Variants in GPR158 observed in about 807,000 individuals in gnomAD.
The protein encoded by GPR158 is metabotropic glycine receptor.
A neutral mutation model predicts 78.2 loss-of-function variants in GPR158; 30 were observed. The ratio of observed to expected loss-of-function variants is 0.38; its 90% CI spans 0.29 to 0.52. The LOEUF is 0.52. Among genes scored for constraint, GPR158 ranks in the 20% least tolerant of loss-of-function variants. The probability of loss-of-function intolerance (pLI) is 0.83; values close to 1 mark genes in which losing one functional copy is unlikely to be tolerated. For missense variants in GPR158, 1,463 were observed against 1,523.5 expected (o/e 0.96, Z 0.66); for synonymous variants, 581 against 591.1 (o/e 0.98, Z 0.25).
intron 5 of GPR158, among the ~76,000 whole-genome samples, chr10:25,473,889 C>A (rs1835545287): frequency 6.6e-6 from 1 of 152,060 alleles, no homozygotes; most frequent in Non-Finnish European, 1.5e-5. Context: ...TGGTCTCCAA[C>A]AATGTCCACA....
intron 2 of GPR158, among the ~76,000 whole-genome samples, chr10:25,321,423 C>G (rs1470512453): frequency 6.6e-6 from 1 of 152,070 alleles, no homozygotes. Flanking sequence ...AATTTTAGAT[C>G]CAGTACATCT....
Position 25,219,562 on chromosome 10 carries a change from T to A in GPR158, c.903-1490T>A, listed in dbSNP as rs548544858. 2.6e-5 allele frequency among the ~76,000 whole-genome samples: 4 copies of A among 152,328 alleles called. No individual in the cohort carries two copies. The South Asian group carries it at 8.3e-4, about 32-fold the overall frequency. ...CATCTGGAAAATCAACTCAAACATATTCTGGATTATCTGGATAAACCAAAC... is the reference window on the plus strand; with the variant it reads ...CATCTGGAAAATCAACTCAAACATAATCTGGATTATCTGGATAAACCAAAC... On this transcript the variant is annotated intron_variant, in intron 1 of 10. Transcript: ENST00000376351.
At chr10:25,214,281 A>C (rs955567375) in intron 1 of GPR158, among the ~76,000 whole-genome samples, 1 of 152,172 alleles carries the variant, frequency 6.6e-6, no homozygotes, top group Non-Finnish European at 1.5e-5. Context: ...GGCGTGAGCC[A>C]CCACGCCTGG....
At chr10:25,411,795 C>T (rs979457162) in intron 3 of GPR158, among the ~76,000 whole-genome samples, 11 of 151,512 alleles carry the variant, frequency 7.3e-5, no homozygotes, top group Admixed American at 3.9e-4. Context: ...ATTAGCCGGG[C>T]GTGGTGGTGG....
intron 2 of GPR158, among the ~76,000 whole-genome samples, chr10:25,291,543 T>C (rs1379771648): frequency 1.3e-5 from 2 of 152,118 alleles, no homozygotes; most frequent in African/African-American, 4.8e-5. Context: ...CATATTTTAA[T>C]ATTCTCAGTG....
intron 6 of GPR158, among the ~76,000 whole-genome samples, chr10:25,569,448 AAAAAT>A (rs952323839): frequency 6.6e-6 from 1 of 152,206 alleles, no homozygotes; most frequent in African/African-American, 2.4e-5. Context: ...AAGTATCAAA[AAAAAT>A]ATTTATCACA....
intron 2 of GPR158, among the ~76,000 whole-genome samples, chr10:25,338,011 T>G (rs541282832): frequency 6.6e-6 from 1 of 152,070 alleles, no homozygotes; most frequent in Admixed American, 6.6e-5. Context: ...CATTATATAT[T>G]GGGGATGTAA....
At chr10:25,228,338 T>G in intron 2 of GPR158, among the ~76,000 whole-genome samples, 1 of 151,948 alleles carries the variant, frequency 6.6e-6, no homozygotes, top group East Asian at 1.9e-4. Flanking sequence ...TTCTAAAATA[T>G]AATTCATAAA....
chr10:25,551,187 A>G (rs1440284469), intron 6 of GPR158, 102 bp downstream of exon 6: 5 of 728,030 alleles, frequency 6.9e-6, no homozygotes, highest in Non-Finnish European at 1.3e-5. Context: ...CTCAGTTTCA[A>G]GAATTTACAT....
At chr10:25,231,841 G>C (rs1853452204) in intron 2 of GPR158, among the ~76,000 whole-genome samples, 1 of 152,182 alleles carries the variant, frequency 6.6e-6, no homozygotes, top group South Asian at 2.1e-4. Context: ...GAAAATATAT[G>C]TTATGGACTC....
chr10:25,339,226 A>G (rs193158310), intron 2 of GPR158, among the ~76,000 whole-genome samples: 3 of 151,998 alleles, frequency 2.0e-5, no homozygotes, highest in East Asian at 3.9e-4. Context: ...GCCTCAAGCA[A>G]TCCTCCCACC....
intron 2 of GPR158, among the ~76,000 whole-genome samples, chr10:25,315,610 CTG>C (rs1854835683): frequency 6.8e-6 from 1 of 148,090 alleles, no homozygotes; most frequent in African/African-American, 2.6e-5. Flanking sequence ...GATCTCAACT[CTG>C]TAATTTATAT....
In GPR158 at chr10:25,415,453, C is replaced by G. The variant is rs571826449; in HGVS notation, c.1335+2980C>G. Reference sequence around the variant, plus strand: ...ACATAGTCATTAGGAAAACGCAACTCAAACCGACAGTACCCACTACCATAG... The same window carrying G: ...ACATAGTCATTAGGAAAACGCAACTGAAACCGACAGTACCCACTACCATAG... On this transcript the variant is annotated intron_variant, in intron 4 of 10. Transcript: ENST00000376351. 1.5e-4 allele frequency among the ~76,000 whole-genome samples: 23 copies of G among 152,128 alleles called. 1 individual carries two copies. The highest frequency in any genetic ancestry group is 4.8e-4 in the African/African-American group (20 of 41,530).
At chr10:25,295,125 C>T (rs146842087) in intron 2 of GPR158, among the ~76,000 whole-genome samples, 1 of 152,312 alleles carries the variant, frequency 6.6e-6, no homozygotes, top group African/African-American at 2.4e-5. Context: ...CCACATGTAA[C>T]CCAAATCCTA....
At chr10:25,183,773 T>G (rs1403329143) in intron 1 of GPR158, among the ~76,000 whole-genome samples, 1 of 152,228 alleles carries the variant, frequency 6.6e-6, no homozygotes, top group African/African-American at 2.4e-5. Context: ...TTATTTAGCT[T>G]TCTCACCATT....
At chr10:25,359,038 A>C (rs1855591846) in intron 2 of GPR158, among the ~76,000 whole-genome samples, 1 of 151,766 alleles carries the variant, frequency 6.6e-6, no homozygotes, top group Admixed American at 6.6e-5. Context: ...TACTTATTCT[A>C]TCCATTATTG....
At chr10:25,588,420 A>AC (rs554162059) in intron 7 of GPR158, among the ~76,000 whole-genome samples, 109 of 152,252 alleles carry the variant, frequency 7.2e-4, no homozygotes, top group African/African-American at 2.6e-3. Context: ...ATTTTCCTAA[A>AC]CCTTTCCACA....
At chr10:25,216,779 G>A (rs1853221907) in intron 1 of GPR158, among the ~76,000 whole-genome samples, 1 of 152,138 alleles carries the variant, frequency 6.6e-6, no homozygotes, top group Admixed American at 6.5e-5. Context: ...GTAAGGCATG[G>A]TTTAGGCAAA....
chr10:25,395,483 ACTAT>A (rs1834352695), intron 2 of GPR158, among the ~76,000 whole-genome samples: 1 of 152,278 alleles, frequency 6.6e-6, no homozygotes, highest in East Asian at 1.9e-4. Flanking sequence ...CTTAAATTTT[ACTAT>A]CTGTTTACCT....
Sources: gnomAD v4.1 joint callset for allele counts (sites outside exome capture counted in the v4.1 genomes callset) on GRCh38, gnomAD v4.1.1 for gene constraint, MANE v1.5 for transcripts, NCBI Gene and HGNC (gene_info 2026-07-23, HGNC 2026-07-21) for gene names.